Variants in PPM1E observed in about 807,000 individuals in gnomAD.
PPM1E encodes protein phosphatase, Mg2+/Mn2+ dependent 1E, also known as protein phosphatase 1E.
Under a neutral mutation model 65.9 loss-of-function variants are expected in PPM1E, and 20 were observed. That is an observed-to-expected ratio of 0.30 (90% CI 0.21 to 0.44). The LOEUF (loss-of-function observed/expected upper bound fraction) is 0.44. Ranked by LOEUF, PPM1E falls within the 20% of genes least tolerant of loss-of-function variation. PPM1E has a pLI of 1.00. For synonymous variants in PPM1E, 352 were observed against 374.9 expected, an observed-to-expected ratio of 0.94 and a Z score of 0.70; for missense variants, 713 against 953.1, an observed-to-expected ratio of 0.75 and a Z score of 3.32.
intron 1 of PPM1E, among the ~76,000 whole-genome samples, chr17:58,855,914 G>T (rs1159876185): frequency 6.6e-6 from 1 of 152,140 alleles, no homozygotes; most frequent in African/African-American, 2.4e-5. Context: ...ATACAGACTA[G>T]ATGTTTATTG....
intron 1 of PPM1E, among the ~76,000 whole-genome samples, chr17:58,871,361 T>A (rs9902994): frequency 0.64 from 96,710 of 151,866 alleles, 31,169 homozygotes; most frequent in African/African-American, 0.71. Flanking sequence ...TTCTTAAGGG[T>A]TTTCCTGTAA....
At chr17:58,906,677 G>A (rs914304944) in intron 1 of PPM1E, among the ~76,000 whole-genome samples, 1 of 151,916 alleles carries the variant, frequency 6.6e-6, no homozygotes, top group African/African-American at 2.4e-5. Flanking sequence ...TGGGTACATA[G>A]TAGGTATATT....
At chr17:58,950,924 G>A (rs1021897871) in intron 1 of PPM1E, among the ~76,000 whole-genome samples, 7 of 151,550 alleles carry the variant, frequency 4.6e-5, no homozygotes, top group African/African-American at 7.3e-5. Context: ...GACTACAGGC[G>A]CCCGCCACCA....
At chr17:58,759,302 C>T (rs148724020) in intron 1 of PPM1E, among the ~76,000 whole-genome samples, 1 of 152,032 alleles carries the variant, frequency 6.6e-6, no homozygotes, top group African/African-American at 2.4e-5. Context: ...AAGTTTAAAT[C>T]CCCCAAGAGA....
At chr17:58,945,252 C>T (rs1226958032) in intron 1 of PPM1E, among the ~76,000 whole-genome samples, 2 of 151,676 alleles carry the variant, frequency 1.3e-5, no homozygotes, top group East Asian at 3.9e-4. Context: ...TCAAGCGATT[C>T]TCCTGCCTCA....
intron 1 of PPM1E, among the ~76,000 whole-genome samples, chr17:58,859,725 A>G (rs1303855129): frequency 6.6e-6 from 1 of 152,258 alleles, no homozygotes; most frequent in Admixed American, 6.5e-5. Flanking sequence ...AGTAGCAGTA[A>G]GACAAAAACA....
chr17:58,877,899 A>G (rs1181794395), intron 1 of PPM1E, among the ~76,000 whole-genome samples: 1 of 152,168 alleles, frequency 6.6e-6, no homozygotes, highest in African/African-American at 2.4e-5. Flanking sequence ...TAGCTGAAAG[A>G]GGGATTATGG....
chr17:58,883,122 A>AT (rs1188700442), intron 1 of PPM1E, among the ~76,000 whole-genome samples: 1 of 150,868 alleles, frequency 6.6e-6, no homozygotes, highest in Non-Finnish European at 1.5e-5. Context: ...CGCCCAGCTA[A>AT]TTTTTTTGTG....
chr17:58,844,395 T>C (rs2050751295), intron 1 of PPM1E, among the ~76,000 whole-genome samples: 1 of 152,150 alleles, frequency 6.6e-6, no homozygotes, highest in South Asian at 2.1e-4. Context: ...AATGAGAACA[T>C]AATGCTTACA....
chr17:58,900,750 T>C (rs1359889331), intron 1 of PPM1E, among the ~76,000 whole-genome samples: 5 of 152,192 alleles, frequency 3.3e-5, no homozygotes, highest in African/African-American at 1.2e-4. Context: ...AGTTTGGAGC[T>C]ATTACAAACA....
intron 6 of PPM1E, among the ~76,000 whole-genome samples, chr17:58,978,299 ATATCTGGAGTTTATTTCTTG>A (rs1706205636): frequency 6.6e-6 from 1 of 152,146 alleles, no homozygotes; most frequent in Non-Finnish European, 1.5e-5. Context: ...CCCTTTGTAA[ATATCTGGAGTTTATTTCTTG>A]TTTTTATAAT....
rs116909190 is a variant in PPM1E at position 58,912,217 on chromosome 17, G to A, written c.465-43432G>A. Among the ~76,000 whole-genome samples the A allele has an allele frequency of 1.1e-4, 16 of 152,254 alleles. No homozygotes were observed. The South Asian group carries it at 1.7e-3, about 16-fold the overall frequency. ...GGGCAAGTCAGGGCACAACAAGAGC[G>A]GGAGGGCTGCTTGCAGGCTAGAAAC... On this transcript the variant is annotated intron_variant, in intron 1 of 6. Transcript: ENST00000308249.
At chr17:58,885,750 C>T (rs897076474) in intron 1 of PPM1E, among the ~76,000 whole-genome samples, 3 of 152,266 alleles carry the variant, frequency 2.0e-5, no homozygotes, top group East Asian at 3.9e-4. Flanking sequence ...ATCTGTCCTA[C>T]GTCTACTCTA....
At chr17:58,852,611 GT>G (rs112904822) in intron 1 of PPM1E, among the ~76,000 whole-genome samples, 19,805 of 128,730 alleles carry the variant, frequency 0.15, 1,843 homozygotes, top group East Asian at 0.31. Context: ...GTTTTTTTTT[GT>G]TTTTTTTTTT....
At chr17:58,821,297 A>G (rs2143136990) in intron 1 of PPM1E, among the ~76,000 whole-genome samples, 1 of 152,242 alleles carries the variant, frequency 6.6e-6, no homozygotes, top group South Asian at 2.1e-4. Flanking sequence ...TTTTTAGTAG[A>G]GACGGGGTTT....
intron 1 of PPM1E, among the ~76,000 whole-genome samples, chr17:58,868,891 G>C (rs2051037933): frequency 2.0e-5 from 3 of 152,086 alleles, no homozygotes; most frequent in Admixed American, 2.0e-4. Context: ...ACAAGGCCAG[G>C]CACTATGGCT....
At chr17:58,969,816 C>A in intron 4 of PPM1E, 89 bp downstream of exon 4, 2 of 1,245,196 alleles carry the variant, frequency 1.6e-6, no homozygotes, top group East Asian at 2.4e-5. Context: ...TAGATTTTCT[C>A]TTTCTGGGCA....
intron 1 of PPM1E, among the ~76,000 whole-genome samples, chr17:58,921,619 G>A (rs1169251805): frequency 3.3e-5 from 5 of 151,036 alleles, no homozygotes; most frequent in Admixed American, 1.3e-4. Flanking sequence ...AGCCGTGATC[G>A]TGCCACTGCA....
chr17:58,880,983 A>G (rs1331330911), intron 1 of PPM1E, among the ~76,000 whole-genome samples: 1 of 152,122 alleles, frequency 6.6e-6, no homozygotes, highest in Non-Finnish European at 1.5e-5. Context: ...TTCTATGTTA[A>G]GTTTTTTGGA....
Sources: allele counts gnomAD v4.1 joint callset (sites outside exome capture counted in the v4.1 genomes callset), GRCh38; gene constraint gnomAD v4.1.1; transcripts MANE v1.5; gene names NCBI Gene and HGNC (gene_info 2026-07-23, HGNC 2026-07-21).